Variants in NRXN1 observed in about 807,000 individuals in gnomAD.
NRXN1 encodes the protein neurexin 1, also known as neurexin-1.
Under a neutral mutation model 150.9 loss-of-function variants are expected in NRXN1, and 39 were observed. That is an observed-to-expected ratio of 0.26 (90% CI 0.20 to 0.34). The LOEUF is 0.34. Ranked by LOEUF, NRXN1 falls within the 10% of genes least tolerant of loss-of-function variation. The pLI is 1.00. For missense variants in NRXN1, 1,815 were observed against 1,949.9 expected (o/e 0.93, Z 1.30); for synonymous variants, 924 against 757.0 (o/e 1.22, Z -3.62).
At chr2:50,725,721 C>T (rs1422169154) in intron 5 of NRXN1, among the ~76,000 whole-genome samples, 1 of 152,092 alleles carries the variant, frequency 6.6e-6, no homozygotes, top group Non-Finnish European at 1.5e-5. Flanking sequence ...GCCCACATTA[C>T]ATATAACTAC....
intron 17 of NRXN1, among the ~76,000 whole-genome samples, chr2:50,319,758 G>A (rs896313678): frequency 2.0e-5 from 3 of 151,870 alleles, no homozygotes; most frequent in Admixed American, 1.3e-4. Context: ...AGACCCCTAC[G>A]CGAGCTTGCA....
At chr2:50,840,317 G>C (rs964264300) in intron 5 of NRXN1, among the ~76,000 whole-genome samples, 1 of 152,108 alleles carries the variant, frequency 6.6e-6, no homozygotes, top group Non-Finnish European at 1.5e-5. Context: ...TTGATGCTGG[G>C]AGAGTCTTTT....
chr2:50,646,729 T>TTC (rs1490021367), intron 5 of NRXN1, among the ~76,000 whole-genome samples: 1 of 138,524 alleles, frequency 7.2e-6, no homozygotes, highest in Non-Finnish European at 1.6e-5. Context: ...TTTTTTTTTT[T>TTC]CTCTCTGAGC....
At chr2:51,022,113 T>C (rs958858100) in intron 2 of NRXN1, among the ~76,000 whole-genome samples, 31 of 152,212 alleles carry the variant, frequency 2.0e-4, no homozygotes, top group African/African-American at 7.2e-4. Context: ...AGAAGTTCTA[T>C]ACATTTAAAT....
At chr2:50,728,398 A>G (rs544561070) in intron 5 of NRXN1, among the ~76,000 whole-genome samples, 2 of 152,144 alleles carry the variant, frequency 1.3e-5, no homozygotes, top group Non-Finnish European at 2.9e-5. Context: ...TCTGAGTTTG[A>G]ATTGCACACA....
chr2:50,990,593 G>T (rs1698399789), intron 2 of NRXN1, among the ~76,000 whole-genome samples: 1 of 151,994 alleles, frequency 6.6e-6, no homozygotes, highest in Non-Finnish European at 1.5e-5. Flanking sequence ...CTGTCATCAG[G>T]TGTAGACATA....
At chr2:50,363,385 A>T (rs2079358909) in intron 17 of NRXN1, among the ~76,000 whole-genome samples, 1 of 152,196 alleles carries the variant, frequency 6.6e-6, no homozygotes, top group South Asian at 2.1e-4. Context: ...GAACTTAAAC[A>T]AATTTACAAG....
chr2:50,171,479 T>C (rs1347813333), intron 18 of NRXN1, among the ~76,000 whole-genome samples: 4 of 152,262 alleles, frequency 2.6e-5, no homozygotes, highest in South Asian at 4.1e-4. Flanking sequence ...GTTGGAAATA[T>C]ATGCGCTATC....
chr2:50,656,156 C>T (rs952614946), intron 5 of NRXN1, among the ~76,000 whole-genome samples: 1 of 151,912 alleles, frequency 6.6e-6, no homozygotes, highest in African/African-American at 2.4e-5. Flanking sequence ...TATTGTTCCT[C>T]AGACTTACCC....
In NRXN1 at chr2:50,528,631, T is replaced by G. The variant is rs984381463; in HGVS notation, c.2368A>C (p.Asn790His). The change falls in exon 12 of 23, where the codon AAT becomes CAT. Residue 790 changes from asparagine (N) to histidine (H), a missense_variant. Physicochemically the swap from Asn to His is moderately conservative, Grantham distance 68. Coordinates refer to ENST00000401669, the MANE Select transcript of NRXN1 (RefSeq NM_001330078.2). ...ATTTTGAATAGGCACTTACTGGAAT[T>G]ACAGTTAATCCTGATACAATCTAGA... ...VNLDCIRINC[N>H]SSKGPETLFA... The G allele has an allele frequency of 2.6e-6, 4 of 1,542,432 alleles. No homozygotes were observed. The African/African-American group carries it at 5.5e-5, about 21-fold the overall frequency.
chr2:50,109,275 C>G (rs1270096709), intron 18 of NRXN1, among the ~76,000 whole-genome samples: 2 of 152,262 alleles, frequency 1.3e-5, no homozygotes, highest in South Asian at 4.1e-4. Context: ...ACTCCTCTCT[C>G]TTGCTTTACT....
chr2:50,568,741 C>CA (rs1558949943), intron 8 of NRXN1, among the ~76,000 whole-genome samples: 2 of 151,722 alleles, frequency 1.3e-5, no homozygotes, highest in African/African-American at 2.4e-5. Flanking sequence ...GGAGTTTCCT[C>CA]AAAAAAACTA....
intron 17 of NRXN1, among the ~76,000 whole-genome samples, chr2:50,438,121 C>CA (rs1241879865): frequency 2.0e-5 from 3 of 152,098 alleles, no homozygotes; most frequent in South Asian, 2.1e-4. Flanking sequence ...CTAGTAGAAT[C>CA]AAAAAAATTT....
intron 17 of NRXN1, among the ~76,000 whole-genome samples, chr2:50,424,744 G>A (rs1352404944): frequency 6.6e-6 from 1 of 152,130 alleles, no homozygotes; most frequent in Non-Finnish European, 1.5e-5. Context: ...CATATCTAAT[G>A]AGTATCAGTC....
chr2:50,960,498 T>A (rs578262416), intron 2 of NRXN1, among the ~76,000 whole-genome samples: 1 of 152,020 alleles, frequency 6.6e-6, no homozygotes, highest in East Asian at 1.9e-4. Context: ...TTACAGAAAA[T>A]AAGCACTGTG....
In NRXN1 at chr2:50,623,562, A is replaced by C; in HGVS notation, c.886T>G (p.Leu296Val). The C allele has an allele frequency of 6.2e-7, 1 of 1,613,316 alleles. No individual in the cohort carries two copies. Among genetic ancestry groups the C allele is most frequent in the Non-Finnish European group, 8.5e-7 (1 of 1,179,462 alleles). Reference protein sequence around the residue: ...FKGSEYFCYDLSQNPIQSSSD... With the variant: ...FKGSEYFCYDVSQNPIQSSSD... ...CTGCTTTGAATGGGGTTTTGAGACA[A>C]GTCGTAGCAGAAGTATTCAGATCCT... The change falls in exon 6 of 23, where the codon TTG (leucine) becomes GTG (valine). Residue 296 changes from leucine to valine, a missense_variant. Physicochemically the swap from Leu to Val is conservative, Grantham distance 32. Around this residue, in one of 6 missense-constraint regions of NRXN1, gnomAD observed 554 missense variants for 478.8 expected, o/e 1.16. Transcript: ENST00000401669.
intron 17 of NRXN1, among the ~76,000 whole-genome samples, chr2:50,339,703 C>G (rs1378841667): frequency 6.6e-6 from 1 of 152,084 alleles, no homozygotes; most frequent in Non-Finnish European, 1.5e-5. Context: ...TTATCACTAC[C>G]TGAGCATAAC....
intron 12 of NRXN1, among the ~76,000 whole-genome samples, chr2:50,514,616 T>C (rs941024910): frequency 1.3e-5 from 2 of 152,212 alleles, no homozygotes; most frequent in South Asian, 2.1e-4. Flanking sequence ...GTGTTCACCA[T>C]TGCAACTCTT....
intron 2 of NRXN1, among the ~76,000 whole-genome samples, chr2:50,935,782 T>G (rs916225662): frequency 4.7e-5 from 7 of 150,314 alleles, no homozygotes; most frequent in African/African-American, 1.7e-4. Flanking sequence ...AAAAAAAAAG[T>G]GGCAAAATTA....
Sources: allele counts gnomAD v4.1 joint callset (sites outside exome capture counted in the v4.1 genomes callset), GRCh38; gene constraint gnomAD v4.1.1; regional missense constraint gnomAD v4.1.1; transcripts MANE v1.5; gene names NCBI Gene and HGNC (gene_info 2026-07-23, HGNC 2026-07-21).